DAB1: variants seen among roughly 807,000 people sequenced by gnomAD.
DAB1 encodes the protein DAB adaptor protein 1.
A neutral mutation model predicts 64.6 loss-of-function variants in DAB1; 15 were observed. The ratio of observed to expected loss-of-function variants is 0.23; its 90% CI spans 0.16 to 0.36. The LOEUF (loss-of-function observed/expected upper bound fraction) is 0.36, where lower values mean the gene tolerates loss of function less well. Ranked by LOEUF, DAB1 falls within the 10% of genes least tolerant of loss-of-function variation. The probability of loss-of-function intolerance (pLI) is 1.00; values close to 1 mark genes in which losing one functional copy is unlikely to be tolerated. For missense variants in DAB1, 596 were observed against 706.7 expected (o/e 0.84, Z 1.78); for synonymous variants, 235 against 251.9 (o/e 0.93, Z 0.64).
intron 1 of DAB1, among the ~76,000 whole-genome samples, chr1:57,848,682 C>T (rs1653393028): frequency 6.6e-6 from 1 of 152,170 alleles, no homozygotes; most frequent in Admixed American, 6.5e-5. Flanking sequence ...AATGTCCAAG[C>T]CAAACCAGGA....
intron 1 of DAB1, among the ~76,000 whole-genome samples, chr1:57,385,618 G>A (rs186686636): frequency 2.0e-5 from 3 of 152,196 alleles, no homozygotes; most frequent in African/African-American, 7.2e-5. Flanking sequence ...GAAGTGCAGA[G>A]TCCAGAGGCA....
chr1:58,503,083 T>C (rs1016990315), intron 3 of DAB1, among the ~76,000 whole-genome samples: 1 of 152,218 alleles, frequency 6.6e-6, no homozygotes, highest in African/African-American at 2.4e-5. Flanking sequence ...AATTTGATGA[T>C]GAAATGACAA....
chr1:57,712,640 A>C (rs1197849236), intron 6 of DAB1, among the ~76,000 whole-genome samples: 5 of 152,228 alleles, frequency 3.3e-5, no homozygotes, highest in African/African-American at 1.2e-4. Context: ...CTATATATAT[A>C]GTACATGGGT....
At chr1:57,153,642 GT>G (rs1659919100) in intron 2 of DAB1, among the ~76,000 whole-genome samples, 1 of 150,932 alleles carries the variant, frequency 6.6e-6, no homozygotes, top group African/African-American at 2.4e-5. Flanking sequence ...TTGTTTGTTT[GT>G]TTGTTTGTTT....
intron 7 of DAB1, among the ~76,000 whole-genome samples, chr1:57,533,539 G>GTATATCTATATATATATA (rs1644689542): frequency 7.0e-6 from 1 of 143,770 alleles, no homozygotes; most frequent in African/African-American, 2.6e-5. Context: ...TTCATAACAG[G>GTATATCTATATATATATA]TATATATATA....
At chr1:57,235,934 G>A (rs760057999) in intron 2 of DAB1, among the ~76,000 whole-genome samples, 3 of 152,178 alleles carry the variant, frequency 2.0e-5, no homozygotes, top group Non-Finnish European at 4.4e-5. Context: ...AGCAATATCG[G>A]TTGAAATTGA....
chr1:57,520,557 C>T (rs1239214586), intron 7 of DAB1, among the ~76,000 whole-genome samples: 1 of 151,940 alleles, frequency 6.6e-6, no homozygotes, highest in Non-Finnish European at 1.5e-5. Flanking sequence ...AGGGTTAACT[C>T]TCAAATAAGA....
intron 2 of DAB1, among the ~76,000 whole-genome samples, chr1:57,263,540 T>C (rs953911908): frequency 2.0e-5 from 3 of 152,176 alleles, no homozygotes; most frequent in Admixed American, 6.5e-5. Context: ...ATAGCCCCAA[T>C]GGTGGCTGTG....
Position 58,150,692 on chromosome 1 carries a change from T to C in DAB1, n.310-104A>G, listed in dbSNP as rs1049122962. ...AAGTTTTAATAAGACCATAGTTTTTTGGTTTTTTTTTTATACTTTAAGTTC... is the reference window on the plus strand; with the variant it reads ...AAGTTTTAATAAGACCATAGTTTTTCGGTTTTTTTTTTATACTTTAAGTTC... On this transcript the variant is annotated intron_variant and non_coding_transcript_variant, in intron 4 of 20. Coordinates refer to the DAB1 transcript ENST00000485760. 7 of 151,952 alleles carry C rather than the reference T, an allele frequency of 4.6e-5. No individual in the cohort carries two copies. In the South Asian group the frequency reaches 1.0e-3, roughly 23 times the overall value. 9.4% of individuals were successfully genotyped at this position (151,952 alleles called of 1,614,324 possible).
At chr1:57,260,781 C>A (rs1670123585) in intron 2 of DAB1, among the ~76,000 whole-genome samples, 1 of 152,140 alleles carries the variant, frequency 6.6e-6, no homozygotes, top group South Asian at 2.1e-4. Flanking sequence ...ATACCTTCCC[C>A]CATCACTGCA....
Position 57,145,420 on chromosome 1 carries a change from C to T in DAB1, c.77G>A (p.Arg26His), listed in dbSNP as rs559018567. The T allele has an allele frequency of 6.2e-6, 10 of 1,613,876 alleles. No individual in the cohort carries two copies. Among genetic ancestry groups the T allele is most frequent in the South Asian group, 4.4e-5 (4 of 91,070 alleles). ...CCTCTTTATCAAAGTGGCTTCACTG[C>T]GATCCTGACCTAAAAAGAGAAAAAG... ...KKDSRKKGQD[R>H]SEATLIKRFK... The change falls in exon 3 of 15, where the codon CGC becomes CAC. Residue 26 changes from arginine (R) to histidine (H), a missense_variant. Physicochemically the swap from Arg to His is conservative, Grantham distance 29 (BLOSUM62 0). Around this residue, in one of 3 missense-constraint regions of DAB1, gnomAD observed 43 missense variants for 39.6 expected, o/e 1.09. Coordinates refer to ENST00000371236, the MANE Select transcript of DAB1 (RefSeq NM_001365792.1).
At chr1:58,003,487 T>C (rs545816378) in intron 5 of DAB1, among the ~76,000 whole-genome samples, 15 of 152,362 alleles carry the variant, frequency 9.8e-5, no homozygotes, top group Non-Finnish European at 1.8e-4. Flanking sequence ...TTCCCTGCAT[T>C]CTTCTGAAAT....
chr1:57,424,333 A>ACGAGCGAG (rs548471057), upstream of DAB1, among the ~76,000 whole-genome samples: 20 of 145,044 alleles, frequency 1.4e-4, no homozygotes, highest in South Asian at 2.8e-3. Context: ...AGGTGGAAGA[A>ACGAGCGAG]CGAGCGAGCG....
chr1:57,268,155 C>T (rs1670728136), intron 2 of DAB1, among the ~76,000 whole-genome samples: 1 of 152,156 alleles, frequency 6.6e-6, no homozygotes, highest in African/African-American at 2.4e-5. Flanking sequence ...CTGGCCACTC[C>T]CTCAAGAATT....
rs1260388676 is a variant in DAB1 at position 58,243,057 on chromosome 1, A to G, written n.310-92469T>C. Among the ~76,000 whole-genome samples, 3 of 152,182 alleles carry G rather than the reference A, an allele frequency of 2.0e-5. No homozygotes were observed. In the East Asian group the frequency reaches 5.8e-4, roughly 29 times the overall value. Reference sequence around the variant, plus strand: ...TGGTTTCTTCAAATTCTACAAATTGACAAATATTTTGAGTTCTTAGTACTT... The same window carrying G: ...TGGTTTCTTCAAATTCTACAAATTGGCAAATATTTTGAGTTCTTAGTACTT... On this transcript the variant is annotated intron_variant and non_coding_transcript_variant, in intron 4 of 20. Transcript: ENST00000485760.
intron 3 of DAB1, among the ~76,000 whole-genome samples, chr1:58,491,253 T>A (rs1182266929): frequency 6.6e-6 from 1 of 151,840 alleles, no homozygotes; most frequent in African/African-American, 2.4e-5. Flanking sequence ...CTACAAGAGC[T>A]CCTGAAGGAA....
chr1:57,938,415 A>G (rs2102047627), intron 5 of DAB1, among the ~76,000 whole-genome samples: 1 of 152,244 alleles, frequency 6.6e-6, no homozygotes, highest in East Asian at 1.9e-4. Context: ...AGGGAGACCT[A>G]GTGGGAGCTG....
At chr1:58,100,792 C>T (rs1651268927) in intron 5 of DAB1, among the ~76,000 whole-genome samples, 2 of 152,106 alleles carry the variant, frequency 1.3e-5, no homozygotes, top group Non-Finnish European at 2.9e-5. Context: ...ACCTAGAACA[C>T]GTCTGGAACA....
chr1:57,000,343 C>A (rs955412574), intron 14 of DAB1, among the ~76,000 whole-genome samples: 9 of 152,148 alleles, frequency 5.9e-5, no homozygotes. Context: ...CGCGCCAGGC[C>A]TCCTTCTGCC....
Sources: gnomAD v4.1 joint callset for allele counts (sites outside exome capture counted in the v4.1 genomes callset) on GRCh38, gnomAD v4.1.1 for gene constraint, gnomAD v4.1.1 regional missense constraint, MANE v1.5 for transcripts, NCBI Gene and HGNC (gene_info 2026-07-23, HGNC 2026-07-21) for gene names.